ATXN1: variants seen among roughly 807,000 people sequenced by gnomAD.
ATXN1 encodes the protein ataxin-1.
Under a neutral mutation model 56.4 loss-of-function variants are expected in ATXN1, and 8 were observed. The observed-to-expected ratio is 0.14, with a 90% CI of 0.08 to 0.26. The LOEUF is 0.26. Among genes scored for constraint, ATXN1 ranks in the 10% least tolerant of loss-of-function variants. ATXN1 has a pLI of 1.00. For missense variants in ATXN1, 987 were observed against 1,106.5 expected (o/e 0.89, Z 1.53); for synonymous variants, 514 against 494.6 (o/e 1.04, Z -0.52).
intron 2 of ATXN1, among the ~76,000 whole-genome samples, chr6:16,685,871 T>C (rs1758907401): frequency 6.6e-6 from 1 of 152,236 alleles, no homozygotes; most frequent in African/African-American, 2.4e-5. Flanking sequence ...AAGCACTGAC[T>C]TTAGCTTTAC....
At chr6:16,734,240 G>A (rs1760058913) in intron 2 of ATXN1, among the ~76,000 whole-genome samples, 1 of 152,178 alleles carries the variant, frequency 6.6e-6, no homozygotes, top group Non-Finnish European at 1.5e-5. Context: ...TTACTTGGAA[G>A]GGCATGCCTC....
chr6:16,478,388 T>C (rs1483709071), intron 6 of ATXN1, among the ~76,000 whole-genome samples: 1 of 152,200 alleles, frequency 6.6e-6, no homozygotes, highest in Non-Finnish European at 1.5e-5. Context: ...AGGAAGGCTG[T>C]TCACAAGCCG....
intron 6 of ATXN1, among the ~76,000 whole-genome samples, chr6:16,414,922 A>G (rs1758871634): frequency 6.6e-6 from 1 of 152,242 alleles, no homozygotes. Context: ...TGTTCAGCAC[A>G]ATGGACTAAA....
chr6:16,732,008 G>A (rs947302816), intron 2 of ATXN1, among the ~76,000 whole-genome samples: 3 of 152,014 alleles, frequency 2.0e-5, no homozygotes, highest in Admixed American at 1.3e-4. Context: ...CTTTTAAACC[G>A]GCAACACTCA....
chr6:16,683,676 G>A (rs1414544813), intron 2 of ATXN1, among the ~76,000 whole-genome samples: 2 of 152,190 alleles, frequency 1.3e-5, no homozygotes, highest in African/African-American at 2.4e-5. Flanking sequence ...AAAACAGACA[G>A]TGCTCTGTTT....
At chr6:16,705,376 C>G (rs1298131627) in intron 2 of ATXN1, among the ~76,000 whole-genome samples, 1 of 152,166 alleles carries the variant, frequency 6.6e-6, no homozygotes, top group Non-Finnish European at 1.5e-5. Context: ...CGTAAACATC[C>G]ACATAGTCCA....
At position 16,306,232 on chromosome 6, in the gene ATXN1, A is replaced by G. The variant is rs1760244597; in HGVS notation, c.*97T>C. The G allele has an allele frequency of 2.8e-6, 4 of 1,404,644 alleles. No homozygotes were observed. The highest frequency in any genetic ancestry group is 1.4e-5 in the South Asian group (1 of 71,546). 87.0% of individuals were successfully genotyped at this position (1,404,644 alleles called of 1,614,324 possible). ...TTAGAACAGAAACCTAAAATTAAGA[A>G]GATAACATGTAAATACTGTGTTATT... is the stretch of plus-strand genomic sequence containing the variant. On this transcript the variant is annotated 3_prime_UTR_variant, in exon 8 of 8. Coordinates refer to ENST00000436367, the MANE Select transcript of ATXN1 (RefSeq NM_001128164.2). This position sits in a 1 kb window ranked among gnomAD's most constrained non-coding sequence, Gnocchi z 5.2.
intron 3 of ATXN1, among the ~76,000 whole-genome samples, chr6:16,618,052 CA>C (rs921729373): frequency 3.8e-4 from 48 of 126,422 alleles, no homozygotes; most frequent in African/African-American, 4.7e-4. Flanking sequence ...GGTATAAAAG[CA>C]AAAAAAAAAA....
At chr6:16,411,845 A>C (rs1418155683) in intron 6 of ATXN1, among the ~76,000 whole-genome samples, 2 of 152,212 alleles carry the variant, frequency 1.3e-5, no homozygotes, top group Admixed American at 6.5e-5. Context: ...AATTGATAAG[A>C]TATGCCACAT....
chr6:16,662,259 T>C (rs1205106367), intron 2 of ATXN1, among the ~76,000 whole-genome samples: 2 of 152,234 alleles, frequency 1.3e-5, no homozygotes, highest in Non-Finnish European at 2.9e-5. Flanking sequence ...GCCTGAAATT[T>C]GACTTTCCAC....
At chr6:16,396,013 CAAAAAAAAAAA>C (rs59358244) in intron 6 of ATXN1, among the ~76,000 whole-genome samples, 29 of 42,250 alleles carry the variant, frequency 6.9e-4, no homozygotes, top group African/African-American at 2.6e-3. Flanking sequence ...GACTCCGTCT[CAAAAAAAAAAA>C]AAAAAAAAAA....
intron 6 of ATXN1, among the ~76,000 whole-genome samples, chr6:16,461,731 T>C (rs1008299417): frequency 2.6e-5 from 4 of 152,326 alleles, no homozygotes; most frequent in Middle Eastern, 3.4e-3. Flanking sequence ...GTCCGGCTCT[T>C]AAAGCCACGG....
At chr6:16,503,010 C>T (rs774438359) in intron 5 of ATXN1, among the ~76,000 whole-genome samples, 7 of 152,118 alleles carry the variant, frequency 4.6e-5, no homozygotes, top group African/African-American at 9.7e-5. Flanking sequence ...CTAAGCTAAT[C>T]GTCACCAACT....
At chr6:16,426,840 C>T (rs1369910657) in intron 6 of ATXN1, among the ~76,000 whole-genome samples, 1 of 150,700 alleles carries the variant, frequency 6.6e-6, no homozygotes, top group East Asian at 1.9e-4. Flanking sequence ...TGTATCTTGT[C>T]CTGTGGAACT....
chr6:16,399,722 C>A (rs963578539), intron 6 of ATXN1, among the ~76,000 whole-genome samples: 7 of 152,134 alleles, frequency 4.6e-5, no homozygotes, highest in Non-Finnish European at 5.9e-5. Context: ...CAGCATCCAG[C>A]GCATAGAGGC....
chr6:16,753,363 G>C lies in ATXN1; in HGVS notation c.-729-16C>G, dbSNP rs1298847876. On this transcript the variant is annotated splice_polypyrimidine_tract_variant and intron_variant, in intron 1 of 7. Coordinates refer to ENST00000436367, the MANE Select transcript of ATXN1 (RefSeq NM_001128164.2). Reference sequence around the variant, plus strand: ...CACGATGCTCCTGCAATGGTCGAGGGAGTGCAGGAGAGGAAATCCAAAATG... The same window carrying C: ...CACGATGCTCCTGCAATGGTCGAGGCAGTGCAGGAGAGGAAATCCAAAATG... 6.6e-6 allele frequency: 3 copies of C among 456,664 alleles called. No individual in the cohort carries two copies. Among genetic ancestry groups the C allele is most frequent in the Middle Eastern group, 3.4e-4 (1 of 2,954 alleles). The allele number at this position is 456,664 out of a possible 1,614,324, so 28.3% of individuals were successfully genotyped here.
At chr6:16,459,316 A>T (rs1759944207) in intron 6 of ATXN1, among the ~76,000 whole-genome samples, 1 of 152,216 alleles carries the variant, frequency 6.6e-6, no homozygotes, top group Admixed American at 6.5e-5. Flanking sequence ...AAATCAGGCT[A>T]TAAGACCCCA....
At chr6:16,361,602 C>T (rs982987693) in intron 6 of ATXN1, among the ~76,000 whole-genome samples, 3 of 152,070 alleles carry the variant, frequency 2.0e-5, no homozygotes, top group African/African-American at 4.8e-5. Flanking sequence ...TGTAGCATTT[C>T]GAGTATAAAC....
chr6:16,398,629 T>C (rs1331561167), intron 6 of ATXN1, among the ~76,000 whole-genome samples: 1 of 152,174 alleles, frequency 6.6e-6, no homozygotes, highest in African/African-American at 2.4e-5. Flanking sequence ...TGTGTCTAGT[T>C]TGTTTTTCGC....
Sources: gnomAD v4.1 joint callset for allele counts (sites outside exome capture counted in the v4.1 genomes callset) on GRCh38, gnomAD v4.1.1 for gene constraint, Gnocchi (gnomAD v3.1) non-coding constraint, MANE v1.5 for transcripts, NCBI Gene and HGNC (gene_info 2026-07-23, HGNC 2026-07-21) for gene names.